The following FAM209A variants were observed in gnomAD, a reference collection of about 807,000 sequenced individuals.
The protein encoded by FAM209A is protein FAM209A.
FAM209A carries 4 observed loss-of-function variants against 9.8 expected under a neutral mutation model. The observed-to-expected ratio is 0.41, with a 90% CI of 0.20 to 0.94. The LOEUF is 0.94. FAM209A is among the 40% of genes least tolerant of loss of function. The pLI, the probability that FAM209A is intolerant of heterozygous loss-of-function variation, is 0.32. For missense variants in FAM209A, 205 were observed against 209.4 expected, an observed-to-expected ratio of 0.98 and a Z score of 0.13; for synonymous variants, 55 against 77.8, an observed-to-expected ratio of 0.71 and a Z score of 1.54.
At chr20:56,526,627 C>T (rs1369144329), downstream of FAM209A, among the ~76,000 whole-genome samples, 2 of 149,796 alleles carry the variant, frequency 1.3e-5, no homozygotes, top group Admixed American at 1.3e-4. Context: ...CTAGCAGTTA[C>T]ATTTGTCAAT....
the FAM209A span, among the ~76,000 whole-genome samples, chr20:56,532,474 CTTTTTCTTT>C: frequency 7.6e-6 from 1 of 130,872 alleles, no homozygotes. Flanking sequence ...CTTTCTTTTT[CTTTTTCTTT>C]TTTTTTTTTT....
At chr20:56,531,595 C>G in the FAM209A span, among the ~76,000 whole-genome samples, 410 of 151,998 alleles carry the variant, frequency 2.7e-3, 3 homozygotes, top group Non-Finnish European at 4.9e-3. Context: ...GCCACCGTGC[C>G]CGGCCTCTTA....
At chr20:56,527,861 C>G (rs919413797), downstream of FAM209A, among the ~76,000 whole-genome samples, 6 of 152,174 alleles carry the variant, frequency 3.9e-5, no homozygotes, top group Non-Finnish European at 7.3e-5. Context: ...AATCCCAGCA[C>G]TTTGGGAGGC....
chr20:56,526,047 T>G lies in FAM209A; in HGVS notation c.493T>G (p.Trp165Gly), dbSNP rs149723126. The change falls in exon 2 of 2, where the codon TGG becomes GGG. Residue 165 changes from tryptophan (W) to glycine (G), a missense_variant. Trp to Gly is a radical substitution (Grantham distance 184). Coordinates refer to ENST00000371328, the MANE Select transcript of FAM209A (RefSeq NM_001012971.4). The stretch of plus-strand genomic sequence containing the variant: ...ATACCATGTCACGATCTGTGAAATA[T>G]GGGGAGAAGAAAGCTCTAGCTGAAT... ...DPYHVTICEI[W>G]GEESSS is the part of the protein sequence containing the mutation. 6.2e-7 allele frequency: 1 copy of G among 1,606,952 alleles called. No individual in the cohort carries two copies. The highest frequency in any genetic ancestry group is 8.5e-7 in the Non-Finnish European group (1 of 1,176,276).
downstream of FAM209A, among the ~76,000 whole-genome samples, chr20:56,526,936 T>G (rs796352089): frequency 1.2e-4 from 18 of 152,312 alleles, no homozygotes; most frequent in African/African-American, 4.3e-4. Flanking sequence ...GGAGAAAAAT[T>G]CATTCATCCT....
chr20:56,533,540 G>C, the FAM209A span: 17 of 1,614,186 alleles, frequency 1.1e-5, no homozygotes, highest in Non-Finnish European at 1.3e-5. Flanking sequence ...TTTGTTTGCT[G>C]TTGTGCCGTT....
chr20:56,531,177 C>T, the FAM209A span, among the ~76,000 whole-genome samples: 1 of 152,150 alleles, frequency 6.6e-6, no homozygotes, highest in Admixed American at 6.5e-5. Flanking sequence ...AATCATCTCC[C>T]CTGCTCTACT....
chr20:56,533,293 G>A, the FAM209A span: 15 of 1,604,888 alleles, frequency 9.3e-6, no homozygotes, highest in African/African-American at 1.9e-4. Context: ...CCAGTTGCGA[G>A]GGCAAGCAAA....
In FAM209A at chr20:56,525,034, C is replaced by CA. The variant is rs766112895; in HGVS notation, c.229dup (p.Arg77LysfsTer4). 1.2e-6 allele frequency: 2 copies of CA among 1,614,140 alleles called. No individual in the cohort carries two copies. The highest frequency in any genetic ancestry group is 1.7e-5 in the Admixed American group (1 of 60,000). On this transcript the variant is annotated frameshift_variant, in exon 1 of 2. Transcript: ENST00000371328. LOFTEE classifies it low-confidence loss of function (END_TRUNC). ...TGTGCCGTTTGTGATACTGCAGTGT[C>CA]AAAGAGACAGTGAGAAGAATAAGGT...
chr20:56,529,753 C>T (rs1985677733), downstream of FAM209A, among the ~76,000 whole-genome samples: 1 of 151,828 alleles, frequency 6.6e-6, no homozygotes, highest in Admixed American at 6.6e-5. Context: ...CTCTTGAACC[C>T]AGGAGGTGGA....
intron 1 of FAM209A, among the ~76,000 whole-genome samples, 155 bp downstream of exon 1, chr20:56,525,212 C>T (rs1985469070): frequency 6.6e-6 from 1 of 152,090 alleles, no homozygotes; most frequent in African/African-American, 2.4e-5. Flanking sequence ...CTGATGTATC[C>T]TTAGTGAAGA....
chr20:56,531,650 C>A, the FAM209A span, among the ~76,000 whole-genome samples: 3 of 150,642 alleles, frequency 2.0e-5, no homozygotes, highest in Non-Finnish European at 4.4e-5. Context: ...TTCTGAAACA[C>A]AGTCTCACTC....
chr20:56,524,746 T>C lies in FAM209A; in HGVS notation c.-63T>C, dbSNP rs1985445027. 2 of 1,597,942 alleles carry C rather than the reference T, an allele frequency of 1.3e-6. No homozygotes were observed. The highest frequency in any genetic ancestry group is 1.7e-6 in the Non-Finnish European group (2 of 1,170,936). On this transcript the variant is annotated 5_prime_UTR_variant, in exon 1 of 2. Transcript: ENST00000371328. ...CAAGGGCCTGGCACCAGGTGCCCAG[T>C]CTCCCAGTTGCGAGGGCAAGCAAAC...
rs193068970 is a variant in FAM209A at position 56,525,132 on chromosome 20, A to G, written c.249+75A>G. On this transcript the variant is annotated intron_variant, in intron 1 of 1. Transcript: ENST00000371328. ...TCTCAGGGAAACGGATGTTCTAGTGAGTCTAGACGGCACCGTTGGGTATAA... is the reference window on the plus strand; with the variant it reads ...TCTCAGGGAAACGGATGTTCTAGTGGGTCTAGACGGCACCGTTGGGTATAA... 6,102 of 1,575,342 alleles carry G rather than the reference A, an allele frequency of 3.9e-3. 3 individuals are homozygous for G. Among genetic ancestry groups the G allele is most frequent in the Non-Finnish European group, 4.5e-3 (5,266 of 1,159,776 alleles).
downstream of FAM209A, among the ~76,000 whole-genome samples, chr20:56,528,025 T>C (rs1269548152): frequency 6.6e-6 from 1 of 152,150 alleles, no homozygotes; most frequent in African/African-American, 2.4e-5. Context: ...GAGAATCACT[T>C]GAACCCAGGA....
rs1431399077 is a variant in FAM209A at position 56,525,051 on chromosome 20, G to T, written c.243G>T (p.Lys81Asn). Reference sequence around the variant, plus strand: ...TGCAGTGTCAAAGAGACAGTGAGAAGAATAAGGTAAGGATGGCTCCATTTT... The same window carrying T: ...TGCAGTGTCAAAGAGACAGTGAGAATAATAAGGTAAGGATGGCTCCATTTT... ...VILQCQRDSE[K>N]NKEQSPPGLR... The change falls in exon 1 of 2, where the codon AAG becomes AAT. Residue 81 changes from lysine to asparagine, a missense_variant. Lys to Asn is a moderately conservative substitution (Grantham distance 94, BLOSUM62 0). Transcript: ENST00000371328. 1 of 1,614,102 alleles carries T rather than the reference G, an allele frequency of 6.2e-7. No individual in the cohort carries two copies. Among genetic ancestry groups the T allele is most frequent in the Non-Finnish European group, 8.5e-7 (1 of 1,180,000 alleles).
rs1198276008 is a variant in FAM209A at position 56,526,031 on chromosome 20, C to T, written c.477C>T (p.Val159=). 2 of 1,611,642 alleles carry T rather than the reference C, an allele frequency of 1.2e-6. No individual in the cohort carries two copies. The highest frequency in any genetic ancestry group is 2.7e-5 in the African/African-American group (2 of 74,810). Residue 159 remains valine, a synonymous_variant, in exon 2 of 2, where the codon GTC becomes GTT. Coordinates refer to ENST00000371328, the MANE Select transcript of FAM209A (RefSeq NM_001012971.4). ...AGATGCCTGCAGATCCATACCATGT[C>T]ACGATCTGTGAAATATGGGGAGAAG... The part of the protein sequence containing the change: ...KSEMPADPYH[V]TICEIWGEES...
At chr20:56,531,974 CTTTTTTTT>C in the FAM209A span, among the ~76,000 whole-genome samples, 4 of 113,058 alleles carry the variant, frequency 3.5e-5, no homozygotes, top group South Asian at 1.1e-3. Context: ...CTTTTCTTTT[CTTTTTTTT>C]TTTTTTTTTT....
At chr20:56,531,085 C>A (rs927958297), downstream of FAM209A, among the ~76,000 whole-genome samples, 4 of 152,098 alleles carry the variant, frequency 2.6e-5, no homozygotes, top group Non-Finnish European at 5.9e-5. Flanking sequence ...GGTTCATTCC[C>A]AGCCTTGGCC....
Sources: allele counts gnomAD v4.1 joint callset (sites outside exome capture counted in the v4.1 genomes callset), GRCh38; gene constraint gnomAD v4.1.1; transcripts MANE v1.5; gene names NCBI Gene and HGNC (gene_info 2026-07-23, HGNC 2026-07-21).